Variants in SDK1 observed in about 807,000 individuals in gnomAD.
The protein encoded by SDK1 is protein sidekick-1.
SDK1 carries 157 observed loss-of-function variants against 245.5 expected under a neutral mutation model. The observed-to-expected ratio is 0.64, with a 90% confidence interval of 0.56 to 0.73. SDK1 has a LOEUF of 0.73. SDK1 is among the 30% of genes least tolerant of loss of function. The pLI is 0.00. For missense variants in SDK1, 3,583 were observed against 3,002.3 expected, an observed-to-expected ratio of 1.19 and a Z score of -4.52; for synonymous variants, 1,647 against 1,278.5, an observed-to-expected ratio of 1.29 and a Z score of -6.15.
chr7:3,824,970 A>G (rs1326733379), intron 5 of SDK1, among the ~76,000 whole-genome samples: 3 of 151,684 alleles, frequency 2.0e-5, no homozygotes, highest in African/African-American at 7.3e-5. Context: ...ATTTCCCTGA[A>G]CTCTCCACCC....
At chr7:3,812,973 C>T (rs1183622756) in intron 4 of SDK1, among the ~76,000 whole-genome samples, 1 of 152,160 alleles carries the variant, frequency 6.6e-6, no homozygotes, top group African/African-American at 2.4e-5. Context: ...TTTTCTTACA[C>T]CCAGAGCAAA....
chr7:3,529,159 A>C (rs1783256115), intron 1 of SDK1, among the ~76,000 whole-genome samples: 1 of 152,200 alleles, frequency 6.6e-6, no homozygotes. Context: ...TGGAAGTATT[A>C]ATGTAAACAC....
chr7:3,996,578 G>C (rs368293927), intron 14 of SDK1, among the ~76,000 whole-genome samples: 4 of 152,086 alleles, frequency 2.6e-5, no homozygotes, highest in Non-Finnish European at 5.9e-5. Context: ...TTTTGTCAAG[G>C]TTGTCCTGAG....
intron 13 of SDK1, among the ~76,000 whole-genome samples, chr7:3,983,073 A>G (rs986915636): frequency 1.3e-5 from 2 of 152,158 alleles, no homozygotes; most frequent in East Asian, 3.9e-4. Context: ...TGTCCAGATG[A>G]GGATTTGCTT....
rs114716040 is a variant in SDK1, at chr7:3,560,809, C to G, written c.299-58271C>G. On this transcript the variant is annotated intron_variant, in intron 1 of 44. Transcript: ENST00000404826. ...CTCTTCCAGCCTCTCTGGCCTCTTT[C>G]CTGTTCCTCCAACCTGCCCGAGTTG... Among the ~76,000 whole-genome samples, 500 of 152,290 alleles carry G rather than the reference C, an allele frequency of 3.3e-3. 3 individuals are homozygous for G. Among genetic ancestry groups the G allele is most frequent in the African/African-American group, 0.011 (470 of 41,566 alleles).
In SDK1 at chr7:4,265,823, G is replaced by A. The variant is rs1269048369; in HGVS notation, c.*439G>A. On this transcript the variant is annotated 3_prime_UTR_variant, in exon 45 of 45. Coordinates refer to ENST00000404826, the MANE Select transcript of SDK1 (RefSeq NM_152744.4). ...CTACCTCCTCTTCCAGAGAACCAGC[G>A]GCTCACACCCTTCTCAACGCAGGAC... 5.0e-6 allele frequency: 5 copies of A among 998,468 alleles called. No individual in the cohort carries two copies. Among genetic ancestry groups the A allele is most frequent in the Non-Finnish European group, 4.8e-6 (4 of 839,890 alleles). 61.9% of individuals were successfully genotyped at this position (998,468 alleles called of 1,614,324 possible).
rs1157230246 is a variant in SDK1 at position 4,267,736 on chromosome 7, C to G, written c.*2352C>G. ...GGGTTTTCGATACAACATCATGACA[C>G]TTCTGTTTCAAGCTCATGTTTTCCG... On this transcript the variant is annotated 3_prime_UTR_variant, in exon 45 of 45. Coordinates refer to ENST00000404826, the MANE Select transcript of SDK1 (RefSeq NM_152744.4). 6.1e-6 allele frequency: 6 copies of G among 985,368 alleles called. No homozygotes were observed. The highest frequency in any genetic ancestry group is 7.2e-6 in the Non-Finnish European group (6 of 829,980). The allele number at this position is 985,368 out of a possible 1,614,324, so 61.0% of individuals were successfully genotyped here.
intron 17 of SDK1, among the ~76,000 whole-genome samples, chr7:4,046,694 T>C (rs1789037918): frequency 6.6e-6 from 1 of 152,208 alleles, no homozygotes. Context: ...TTCCAGTTAG[T>C]CTTGAAATCA....
intron 35 of SDK1, among the ~76,000 whole-genome samples, chr7:4,203,464 C>T (rs1043680252): frequency 1.3e-5 from 2 of 152,092 alleles, no homozygotes; most frequent in Admixed American, 6.5e-5. Flanking sequence ...AGGCAATCTC[C>T]CTAGCAGCAG....
In SDK1 at chr7:4,227,614, G is replaced by A. The variant is rs76546924; in HGVS notation, c.5828-5641G>A. ...GTCAAGCGGTTGGTTGTGTGAGTGCGTGGAACCAGAAATCTCAGGCAGTGA... is the reference window on the plus strand; with the variant it reads ...GTCAAGCGGTTGGTTGTGTGAGTGCATGGAACCAGAAATCTCAGGCAGTGA... On this transcript the variant is annotated intron_variant, in intron 40 of 44. Coordinates refer to ENST00000404826, the MANE Select transcript of SDK1 (RefSeq NM_152744.4). Among the ~76,000 whole-genome samples, 48 of 152,332 alleles carry A rather than the reference G, an allele frequency of 3.2e-4. 1 individual carries two copies. In the East Asian group the frequency reaches 3.9e-3, roughly 12 times the overall value.
intron 1 of SDK1, among the ~76,000 whole-genome samples, chr7:3,446,625 G>A (rs1036205199): frequency 3.3e-5 from 5 of 152,028 alleles, no homozygotes; most frequent in Non-Finnish European, 7.4e-5. Flanking sequence ...TTTTCTCACC[G>A]TGCATTATAA....
intron 5 of SDK1, among the ~76,000 whole-genome samples, chr7:3,850,909 A>G (rs979918074): frequency 2.0e-5 from 3 of 152,326 alleles, no homozygotes; most frequent in African/African-American, 7.2e-5. Context: ...CCTAATGTAA[A>G]TGACGACTTA....
At chr7:4,042,925 A>G (rs1788736002) in intron 17 of SDK1, among the ~76,000 whole-genome samples, 1 of 152,254 alleles carries the variant, frequency 6.6e-6, no homozygotes, top group Non-Finnish European at 1.5e-5. Flanking sequence ...TAATCAGGAC[A>G]AAGAGAAGCC....
chr7:3,771,583 A>G (rs755777903), intron 4 of SDK1, among the ~76,000 whole-genome samples: 2 of 152,222 alleles, frequency 1.3e-5, no homozygotes, highest in South Asian at 2.1e-4. Context: ...TCTTTGATTC[A>G]TAGGATGGAT....
At chr7:3,472,145 T>C (rs995341179) in intron 1 of SDK1, among the ~76,000 whole-genome samples, 1 of 152,186 alleles carries the variant, frequency 6.6e-6, no homozygotes, top group Non-Finnish European at 1.5e-5. Context: ...AATGCATAGT[T>C]CCCTCCATTA....
At chr7:3,445,684 G>A (rs1199771688) in intron 1 of SDK1, among the ~76,000 whole-genome samples, 1 of 152,030 alleles carries the variant, frequency 6.6e-6, no homozygotes, top group African/African-American at 2.4e-5. Flanking sequence ...AACCTTCCTT[G>A]AACTCTTCTT....
intron 38 of SDK1, among the ~76,000 whole-genome samples, chr7:4,216,757 C>T (rs145767754): frequency 2.0e-4 from 30 of 152,326 alleles, no homozygotes; most frequent in African/African-American, 7.0e-4. Flanking sequence ...CTGACATCTG[C>T]AAACTCTTGG....
chr7:3,728,718 G>A (rs1779084990), intron 4 of SDK1, among the ~76,000 whole-genome samples: 2 of 152,142 alleles, frequency 1.3e-5, no homozygotes, highest in South Asian at 4.1e-4. Flanking sequence ...CAGTTCTCCT[G>A]CCTCAGCCTC....
rs918531133 is a variant in SDK1 at position 3,757,625 on chromosome 7, G to C, written c.714-63825G>C. 2.6e-5 allele frequency among the ~76,000 whole-genome samples: 4 copies of C among 152,152 alleles called. 1 individual carries two copies. The highest frequency in any genetic ancestry group is 4.2e-4 in the South Asian group (2 of 4,818). Reference sequence around the variant, plus strand: ...TTGAGGAGATGCATAGGGCAGGTGTGGGGGAGGGTGCAGTACTCCCAAGCT... The same window carrying C: ...TTGAGGAGATGCATAGGGCAGGTGTCGGGGAGGGTGCAGTACTCCCAAGCT... On this transcript the variant is annotated intron_variant, in intron 4 of 44. Transcript: ENST00000404826.
Sources: gnomAD v4.1 joint callset for allele counts (sites outside exome capture counted in the v4.1 genomes callset) on GRCh38, gnomAD v4.1.1 for gene constraint, MANE v1.5 for transcripts, NCBI Gene and HGNC (gene_info 2026-07-23, HGNC 2026-07-21) for gene names.